The following BTBD9 variants were observed in gnomAD, a reference collection of about 807,000 sequenced individuals.
BTBD9 encodes the protein BTB domain containing 9.
A neutral mutation model predicts 64.3 loss-of-function variants in BTBD9; 49 were observed. That is an observed-to-expected ratio of 0.76 (90% CI 0.61 to 0.97). The LOEUF is 0.97. Among genes scored for constraint, BTBD9 ranks in the 50% least tolerant of loss-of-function variants. BTBD9 has a pLI of 0.00. For missense variants in BTBD9, 598 were observed against 762.1 expected (o/e 0.78, Z 2.53); for synonymous variants, 260 against 274.7 (o/e 0.95, Z 0.53).
chr6:38,213,952 C>T (rs972298358), intron 9 of BTBD9, among the ~76,000 whole-genome samples: 3 of 151,618 alleles, frequency 2.0e-5, no homozygotes, highest in Non-Finnish European at 4.4e-5. Context: ...GCTGAGATTG[C>T]GCCACTGCAC....
chr6:38,589,991 CTT>C (rs1477536636), intron 4 of BTBD9, among the ~76,000 whole-genome samples: 1 of 152,230 alleles, frequency 6.6e-6, no homozygotes, highest in Non-Finnish European at 1.5e-5. Flanking sequence ...GGTTTCAACT[CTT>C]TTATCACCAG....
chr6:38,476,245 G>T (rs1770874558), intron 6 of BTBD9, among the ~76,000 whole-genome samples: 2 of 152,152 alleles, frequency 1.3e-5, no homozygotes, highest in Non-Finnish European at 2.9e-5. Context: ...TCCTCCCAGG[G>T]ATATAAAATT....
intron 1 of BTBD9, among the ~76,000 whole-genome samples, chr6:38,616,483 G>C (rs1777795525): frequency 6.6e-6 from 1 of 151,954 alleles, no homozygotes; most frequent in South Asian, 2.1e-4. Context: ...TAGCAAGCCA[G>C]GCACATGTCT....
intron 6 of BTBD9, among the ~76,000 whole-genome samples, chr6:38,512,067 G>A (rs547780591): frequency 1.4e-4 from 22 of 152,226 alleles, no homozygotes; most frequent in African/African-American, 4.8e-4. Context: ...TCTGCCTCCC[G>A]GGTTCAAGTG....
At chr6:38,228,500 T>G (rs573110563) in intron 9 of BTBD9, among the ~76,000 whole-genome samples, 20 of 151,938 alleles carry the variant, frequency 1.3e-4, no homozygotes, top group African/African-American at 4.6e-4. Context: ...AGGCTGTGCA[T>G]GTAGAGGGGC....
At chr6:38,563,488 C>A (rs927816853) in intron 6 of BTBD9, among the ~76,000 whole-genome samples, 1 of 152,172 alleles carries the variant, frequency 6.6e-6, no homozygotes, top group South Asian at 2.1e-4. Flanking sequence ...CCATTCCCCA[C>A]AAGGAGGCAA....
At chr6:38,433,587 C>G (rs919292797) in intron 6 of BTBD9, among the ~76,000 whole-genome samples, 5 of 151,782 alleles carry the variant, frequency 3.3e-5, no homozygotes, top group African/African-American at 1.2e-4. Flanking sequence ...TTCCACTACC[C>G]ACCCAAATCC....
intron 6 of BTBD9, among the ~76,000 whole-genome samples, chr6:38,348,726 A>C (rs1310440847): frequency 3.3e-5 from 5 of 152,162 alleles, no homozygotes; most frequent in Non-Finnish European, 7.3e-5. Flanking sequence ...AGGAGCTATA[A>C]GATTACGGGT....
In BTBD9 at chr6:38,391,326, C is replaced by T. The variant is rs147893412; in HGVS notation, c.1155-46233G>A. ...AGGGCCACACTATTTTAAATCAGAG[C>T]TGCTCTGGAAAATCTAGCACATATA... On this transcript the variant is annotated intron_variant, in intron 6 of 10. Coordinates refer to ENST00000481247, the MANE Select transcript of BTBD9 (RefSeq NM_001099272.2). Among the ~76,000 whole-genome samples the T allele has an allele frequency of 5.1e-3, 770 of 152,306 alleles. 4 individuals are homozygous for T. Among genetic ancestry groups the T allele is most frequent in the African/African-American group, 0.017 (719 of 41,566 alleles).
chr6:38,300,751 G>A (rs1226989064), intron 7 of BTBD9, among the ~76,000 whole-genome samples: 1 of 152,178 alleles, frequency 6.6e-6, no homozygotes, highest in Non-Finnish European at 1.5e-5. Context: ...AGCTTAAGGA[G>A]ATTTTGGGCT....
At chr6:38,443,652 C>T (rs1036289247) in intron 6 of BTBD9, among the ~76,000 whole-genome samples, 3 of 152,198 alleles carry the variant, frequency 2.0e-5, no homozygotes, top group African/African-American at 7.2e-5. Flanking sequence ...CTCTCTTTCT[C>T]TCGCTCACTC....
In BTBD9 at chr6:38,541,865, T is replaced by G. The variant is rs753482170; in HGVS notation, c.1154+35735A>C. Among the ~76,000 whole-genome samples the G allele has an allele frequency of 2.0e-5, 3 of 152,380 alleles. No individual in the cohort carries two copies. In the South Asian group the frequency reaches 6.2e-4, roughly 32 times the overall value. ...AGTTTAATATAAAGTCAGCCATCTC[T>G]TCCATTTGTATATGAGTAGAAATTC... On this transcript the variant is annotated intron_variant, in intron 6 of 10. Transcript: ENST00000481247.
chr6:38,197,872 C>T (rs181692043), intron 9 of BTBD9, among the ~76,000 whole-genome samples: 5 of 152,256 alleles, frequency 3.3e-5, no homozygotes, highest in South Asian at 2.1e-4. Flanking sequence ...CTCAGGAAAA[C>T]GTACAGGTCT....
At position 38,458,595 on chromosome 6, in the gene BTBD9, T is replaced by C. The variant is rs369805850; in HGVS notation, c.1155-113502A>G. ...CATCATAACTCAGCAAAAACTAGAATAGACAGATCCCTAACAGGAAGAACT... is the reference window on the plus strand; with the variant it reads ...CATCATAACTCAGCAAAAACTAGAACAGACAGATCCCTAACAGGAAGAACT... On this transcript the variant is annotated intron_variant, in intron 6 of 10. Transcript: ENST00000481247. Among the ~76,000 whole-genome samples, 108 of 152,304 alleles carry C rather than the reference T, an allele frequency of 7.1e-4. 1 individual carries two copies. The South Asian group carries it at 0.02, about 29-fold the overall frequency.
rs181495360 is a variant in BTBD9 at position 38,481,206 on chromosome 6, C to G, written c.1154+96394G>C. On this transcript the variant is annotated intron_variant, in intron 6 of 10. Transcript: ENST00000481247. ...ATAACCTGGAAGATTCAAGTACATTCACAGATAGATACTTTCCCAAGGTGT... is the reference window on the plus strand; with the variant it reads ...ATAACCTGGAAGATTCAAGTACATTGACAGATAGATACTTTCCCAAGGTGT... 3.3e-5 allele frequency among the ~76,000 whole-genome samples: 5 copies of G among 152,300 alleles called. No individual in the cohort carries two copies. In the East Asian group the frequency reaches 9.6e-4, roughly 29 times the overall value.
At chr6:38,507,322 C>G (rs934817468) in intron 6 of BTBD9, among the ~76,000 whole-genome samples, 12 of 152,228 alleles carry the variant, frequency 7.9e-5, no homozygotes, top group Admixed American at 5.2e-4. Flanking sequence ...AAGACTCTTA[C>G]TAAATGATTA....
intron 1 of BTBD9, among the ~76,000 whole-genome samples, chr6:38,601,229 G>A (rs759359695): frequency 4.6e-5 from 7 of 152,066 alleles, no homozygotes; most frequent in Non-Finnish European, 7.4e-5. Flanking sequence ...AGGTGTACAA[G>A]TATACAAAAA....
At chr6:38,406,713 G>A (rs1291149063) in intron 6 of BTBD9, among the ~76,000 whole-genome samples, 2 of 152,154 alleles carry the variant, frequency 1.3e-5, no homozygotes, top group Non-Finnish European at 2.9e-5. Context: ...GGTGAGGAAG[G>A]TAGGACAAAG....
chr6:38,514,620 C>T (rs1020881834), intron 6 of BTBD9, among the ~76,000 whole-genome samples: 3 of 152,130 alleles, frequency 2.0e-5, no homozygotes, highest in African/African-American at 7.2e-5. Flanking sequence ...CATATCTTCA[C>T]AGAACCAACC....
Sources: gnomAD v4.1 joint callset for allele counts (sites outside exome capture counted in the v4.1 genomes callset) on GRCh38, gnomAD v4.1.1 for gene constraint, MANE v1.5 for transcripts, NCBI Gene and HGNC (gene_info 2026-07-23, HGNC 2026-07-21) for gene names.